The following TCHP variants were observed in gnomAD, a reference collection of about 807,000 sequenced individuals.
TCHP encodes trichoplein keratin filament-binding protein.
TCHP carries 81 observed loss-of-function variants against 88.7 expected under a neutral mutation model. That is an observed-to-expected ratio of 0.91 (90% CI 0.76 to 1.10). The LOEUF (loss-of-function observed/expected upper bound fraction) is 1.10, where lower values mean the gene tolerates loss of function less well. Among genes scored for constraint, TCHP ranks in the 50% least tolerant of loss-of-function variants. The probability of loss-of-function intolerance (pLI) is 0.00; values close to 1 mark genes in which losing one functional copy is unlikely to be tolerated. For synonymous variants in TCHP, 232 were observed against 232.5 expected (o/e 1.00, Z 0.02); for missense variants, 641 against 632.1 (o/e 1.01, Z -0.15).
In TCHP at chr12:109,916,942, G is replaced by A. The variant is rs1161066669; in HGVS notation, c.*319G>A. ...ATACTAAGAGCCACAGGTTGTACCT[G>A]TGATGGGGCGTGTGGTTTCCTGTTG... On this transcript the variant is annotated 3_prime_UTR_variant, in exon 13 of 13. Transcript: ENST00000405876. 2.2e-5 allele frequency: 6 copies of A among 270,956 alleles called. No individual in the cohort carries two copies. The highest frequency in any genetic ancestry group is 3.4e-5 in the Non-Finnish European group (5 of 145,560). 16.8% of individuals were successfully genotyped at this position (270,956 alleles called of 1,614,324 possible).
At chr12:109,898,453 G>A (rs113454690), upstream of TCHP, among the ~76,000 whole-genome samples, 3,084 of 152,212 alleles carry the variant, frequency 0.02, 45 homozygotes, top group South Asian at 0.053. Flanking sequence ...CAAGAGATCC[G>A]CCAGCCTTGG....
chr12:109,910,381 A>G (rs1046681356), intron 8 of TCHP, among the ~76,000 whole-genome samples: 15 of 152,140 alleles, frequency 9.9e-5, no homozygotes, highest in South Asian at 2.1e-4. Flanking sequence ...CAATGGCGCA[A>G]TCACGGCTCA....
chr12:109,891,727 G>A, the TCHP span, among the ~76,000 whole-genome samples: 60 of 150,242 alleles, frequency 4.0e-4, no homozygotes, highest in Non-Finnish European at 7.1e-4. Flanking sequence ...TTTTTGAGAC[G>A]AAGTTTTGCT....
the TCHP span, among the ~76,000 whole-genome samples, chr12:109,894,320 CG>C: frequency 8.6e-5 from 13 of 151,074 alleles, no homozygotes; most frequent in Non-Finnish European, 1.3e-4. Context: ...ATTAGCCGGG[CG>C]TGGTGGTGGG....
intron 1 of TCHP, among the ~76,000 whole-genome samples, 156 bp from the exon 2 acceptor site, chr12:109,902,871 A>G (rs1237795083): frequency 6.6e-6 from 1 of 152,212 alleles, no homozygotes; most frequent in Non-Finnish European, 1.5e-5. Flanking sequence ...AGTGGGGCTC[A>G]GACACGGTTT....
the TCHP span, among the ~76,000 whole-genome samples, chr12:109,891,412 G>T: frequency 3.3e-4 from 47 of 143,090 alleles, no homozygotes; most frequent in Non-Finnish European, 5.7e-4. Context: ...TTTTGAGACA[G>T]AGTCTCACTC....
chr12:109,896,074 G>C (rs1216539526), upstream of TCHP, among the ~76,000 whole-genome samples: 1 of 152,112 alleles, frequency 6.6e-6, no homozygotes, highest in Non-Finnish European at 1.5e-5. Context: ...AGTCTCCTGA[G>C]TAGCTGGGAC....
the TCHP span, among the ~76,000 whole-genome samples, chr12:109,885,072 G>A: frequency 2.4e-3 from 361 of 152,122 alleles, 1 homozygote; most frequent in Non-Finnish European, 4.5e-3. Context: ...GGATTCAAGC[G>A]ATTCTCCTGC....
At chr12:109,884,884 G>A in the TCHP span, among the ~76,000 whole-genome samples, 2 of 152,200 alleles carry the variant, frequency 1.3e-5, no homozygotes, top group Non-Finnish European at 2.9e-5. Context: ...ATCCATCCAT[G>A]CAGGAAATTC....
intron 8 of TCHP, among the ~76,000 whole-genome samples, chr12:109,910,450 G>A (rs1241079140): frequency 6.6e-6 from 1 of 152,158 alleles, no homozygotes; most frequent in Non-Finnish European, 1.5e-5. Flanking sequence ...TCGAGTAGCT[G>A]GGACCATAGG....
At chr12:109,910,119 A>G (rs1870401528) in intron 8 of TCHP, among the ~76,000 whole-genome samples, 2 of 152,182 alleles carry the variant, frequency 1.3e-5, no homozygotes, top group South Asian at 4.1e-4. Context: ...AGCCTGGGCA[A>G]CAGAGTGAGA....
intron 11 of TCHP, 174 bp downstream of exon 11, chr12:109,914,801 C>T (rs2136083043): frequency 1.8e-6 from 1 of 570,846 alleles, no homozygotes; most frequent in South Asian, 2.0e-5. Flanking sequence ...GGCTTCTTTC[C>T]CTCCACATCC....
chr12:109,892,534 T>C, the TCHP span, among the ~76,000 whole-genome samples: 2 of 152,310 alleles, frequency 1.3e-5, no homozygotes, highest in Admixed American at 1.3e-4. Context: ...GGAACTGCTC[T>C]GATGTGGTCT....
At chr12:109,895,857 C>T (rs1017788326), upstream of TCHP, among the ~76,000 whole-genome samples, 1 of 152,178 alleles carries the variant, frequency 6.6e-6, no homozygotes, top group Non-Finnish European at 1.5e-5. Flanking sequence ...GGGTTCCTAC[C>T]AGGGCTTTCC....
At chr12:109,889,266 G>T in the TCHP span, among the ~76,000 whole-genome samples, 1 of 152,154 alleles carries the variant, frequency 6.6e-6, no homozygotes, top group African/African-American at 2.4e-5. Flanking sequence ...GAGGTCAGGA[G>T]ATCGAGACCA....
upstream of TCHP, among the ~76,000 whole-genome samples, chr12:109,895,717 G>T (rs1869542220): frequency 6.6e-6 from 1 of 152,034 alleles, no homozygotes; most frequent in African/African-American, 2.4e-5. Flanking sequence ...GCATTGTGCG[G>T]CTTCCAGTAC....
chr12:109,908,959 G>A (rs1203625495), intron 8 of TCHP, 22 bp downstream of exon 8: 2 of 1,613,196 alleles, frequency 1.2e-6, no homozygotes, highest in East Asian at 2.2e-5. Context: ...GAGACAGCCT[G>A]ACATCTTTCT....
chr12:109,881,065 C>T, the TCHP span, among the ~76,000 whole-genome samples: 1 of 152,196 alleles, frequency 6.6e-6, no homozygotes, highest in African/African-American at 2.4e-5. Context: ...TGGACAACTC[C>T]TGCTTCCCGA....
chr12:109,895,884 C>T (rs941301788), upstream of TCHP, among the ~76,000 whole-genome samples: 6 of 152,156 alleles, frequency 3.9e-5, no homozygotes, highest in Non-Finnish European at 7.3e-5. Flanking sequence ...GCCCCCTGCA[C>T]GCCGTAGTCA....
Sources: gnomAD v4.1 joint callset for allele counts (sites outside exome capture counted in the v4.1 genomes callset) on GRCh38, gnomAD v4.1.1 for gene constraint, MANE v1.5 for transcripts, NCBI Gene and HGNC (gene_info 2026-07-23, HGNC 2026-07-21) for gene names.